The following STMN1 variants were observed in gnomAD, a reference collection of about 807,000 sequenced individuals.
STMN1 encodes the protein stathmin.
Under a neutral mutation model 19.7 loss-of-function variants are expected in STMN1, and 3 were observed. That is an observed-to-expected ratio of 0.15 (90% CI 0.07 to 0.39). The LOEUF is 0.39. Ranked by LOEUF, STMN1 falls within the 10% of genes least tolerant of loss-of-function variation. The pLI, the probability that STMN1 is intolerant of heterozygous loss-of-function variation, is 1.00. For missense variants in STMN1, 99 were observed against 176.0 expected, an observed-to-expected ratio of 0.56 and a Z score of 2.48; for synonymous variants, 59 against 58.9, an observed-to-expected ratio of 1.00 and a Z score of -0.01.
At chr1:25,894,374 C>T (rs767845713) in intron 4 of STMN1, among the ~76,000 whole-genome samples, 33 of 151,860 alleles carry the variant, frequency 2.2e-4, no homozygotes, top group Non-Finnish European at 4.0e-4. Flanking sequence ...GCAACAGAAA[C>T]GCTGGCTTAA....
chr1:25,893,619 C>T (rs187612362), intron 4 of STMN1, among the ~76,000 whole-genome samples: 1 of 152,218 alleles, frequency 6.6e-6, no homozygotes, highest in Non-Finnish European at 1.5e-5. Flanking sequence ...CGGCTCACTG[C>T]AACCTCCGCC....
chr1:25,886,110 C>T (rs984598823), intron 4 of STMN1, among the ~76,000 whole-genome samples: 1 of 152,022 alleles, frequency 6.6e-6, no homozygotes, highest in Middle Eastern at 3.2e-3. Flanking sequence ...CAGGCAGGAA[C>T]GGGGTGTGGG....
At chr1:25,897,661 G>A (rs1384074224), downstream of STMN1, among the ~76,000 whole-genome samples, 1 of 152,022 alleles carries the variant, frequency 6.6e-6, no homozygotes, top group Admixed American at 6.6e-5. Flanking sequence ...GAGGCAGAGG[G>A]GAATTGTTCC....
intron 1 of STMN1, chr1:25,905,738 G>A (rs937769542): frequency 1.3e-5 from 2 of 151,362 alleles, no homozygotes; most frequent in African/African-American, 4.9e-5. Context: ...AACACCTCCA[G>A]GCCGCCGCCA....
At chr1:25,890,657 G>C (rs2048765372) in intron 4 of STMN1, among the ~76,000 whole-genome samples, 3 of 152,162 alleles carry the variant, frequency 2.0e-5, no homozygotes, top group South Asian at 2.1e-4. Context: ...CTGGCCACTA[G>C]AGCCAGGTAG....
At chr1:25,898,066 C>T (rs1418070318), downstream of STMN1, among the ~76,000 whole-genome samples, 2 of 152,138 alleles carry the variant, frequency 1.3e-5, 1 homozygote, top group South Asian at 4.1e-4. Context: ...ACCCTGCCTC[C>T]ACTTTCTCTT....
intron 4 of STMN1, among the ~76,000 whole-genome samples, chr1:25,890,544 A>G (rs2048762964): frequency 6.6e-6 from 1 of 152,226 alleles, no homozygotes; most frequent in Admixed American, 6.5e-5. Flanking sequence ...CTGAAAGGGG[A>G]AGAATAAATG....
chr1:25,900,449 G>A lies in STMN1; in HGVS notation c.*567C>T, dbSNP rs562071952. On this transcript the variant is annotated 3_prime_UTR_variant, in exon 5 of 5. Transcript: ENST00000455785. ...GCAAGAAACGGGGCAGAGAACGTGC[G>A]GTCATTTGTGCGTTGGGTATTTCTA... 2.7e-5 allele frequency: 27 copies of A among 985,814 alleles called. No individual in the cohort carries two copies. The highest frequency in any genetic ancestry group is 1.8e-4 in the Admixed American group (3 of 16,272). The allele number at this position is 985,814 out of a possible 1,614,324, so 61.1% of individuals were successfully genotyped here.
At chr1:25,899,195 T>A (rs548462030), downstream of STMN1, among the ~76,000 whole-genome samples, 118 of 152,332 alleles carry the variant, frequency 7.7e-4, no homozygotes, top group African/African-American at 2.7e-3. Context: ...CCTTGCTTTC[T>A]CCTGAGGCCA....
intron 1 of STMN1, 53 bp from the exon 2 acceptor site, chr1:25,904,791 C>A: frequency 3.5e-6 from 5 of 1,431,150 alleles, no homozygotes; most frequent in Admixed American, 2.4e-5. Context: ...TTCTATATGT[C>A]ATCAACCCAA....
intron 2 of STMN1, 61 bp from the exon 3 acceptor site, chr1:25,903,874 C>T: frequency 6.7e-7 from 1 of 1,497,134 alleles, no homozygotes. Context: ...ATAAACTGTA[C>T]TATAATTTTC....
chr1:25,902,381 C>T (rs987287050), intron 3 of STMN1: 3 of 152,168 alleles, frequency 2.0e-5, no homozygotes, highest in African/African-American at 4.8e-5. Flanking sequence ...TTAACCATAA[C>T]TGATAAAACA....
chr1:25,903,757 G>A lies in STMN1; in HGVS notation c.70C>T (p.Leu24Phe). 1.2e-6 allele frequency: 2 copies of A among 1,614,010 alleles called. No homozygotes were observed. Among genetic ancestry groups the A allele is most frequent in the Non-Finnish European group, 8.5e-7 (1 of 1,180,044 alleles). Residue 24 changes from leucine (L) to phenylalanine (F), a missense_variant, in exon 3 of 5, where the codon CTC becomes TTC. Transcript: ENST00000455785. ...RASGQAFELI[L>F]SPRSKESVPE... ...ACAGATTCTTTTGACCGAGGGCTGAGAATCAGCTCAAAAGCCTGGCCTGAG... is the reference window on the plus strand; with the variant it reads ...ACAGATTCTTTTGACCGAGGGCTGAAAATCAGCTCAAAAGCCTGGCCTGAG...
Position 25,900,579 on chromosome 1 carries a change from G to A in STMN1, c.*437C>T, listed in dbSNP as rs1047131655. On this transcript the variant is annotated 3_prime_UTR_variant, in exon 5 of 5. Coordinates refer to ENST00000455785, the MANE Select transcript of STMN1 (RefSeq NM_005563.4). ...AAGTCACTGCCACCAACAGCACTGT[G>A]CAGTTTTATTAACCATTCAAGTCCA... 1.0e-6 allele frequency: 1 copy of A among 988,030 alleles called. No homozygotes were observed. Among genetic ancestry groups the A allele is most frequent in the African/African-American group, 1.7e-5 (1 of 57,408 alleles). The allele number at this position is 988,030 out of a possible 1,614,324, so 61.2% of individuals were successfully genotyped here.
At chr1:25,885,108 T>G (rs527879272), downstream of STMN1, 1 of 153,838 alleles carries the variant, frequency 6.5e-6, no homozygotes, top group East Asian at 1.9e-4. Context: ...GGAGAAGGTC[T>G]TCTTCTTCCA....
intron 4 of STMN1, among the ~76,000 whole-genome samples, chr1:25,895,017 G>A (rs2048806128): frequency 1.3e-5 from 2 of 151,524 alleles, no homozygotes; most frequent in African/African-American, 4.8e-5. Context: ...ACTGGGCTTA[G>A]AGGTACAGTA....
chr1:25,900,823 G>A lies in STMN1; in HGVS notation c.*193C>T, dbSNP rs2048863474. On this transcript the variant is annotated 3_prime_UTR_variant, in exon 5 of 5. Coordinates refer to ENST00000455785, the MANE Select transcript of STMN1 (RefSeq NM_005563.4). ...TAGAAAGACCAACACTTTAGAAAAA[G>A]AGTAAAACACTTTCAGTTTCTCCCC... is the stretch of plus-strand genomic sequence containing the variant. 1 of 1,387,872 alleles carries A rather than the reference G, an allele frequency of 7.2e-7. No individual in the cohort carries two copies. The highest frequency in any genetic ancestry group is 1.9e-5 in the South Asian group (1 of 53,866). The allele number at this position is 1,387,872 out of a possible 1,614,324, so 86.0% of individuals were successfully genotyped here.
intron 4 of STMN1, among the ~76,000 whole-genome samples, chr1:25,886,972 C>T (rs1283936363): frequency 3.9e-5 from 6 of 152,030 alleles, no homozygotes; most frequent in East Asian, 3.9e-4. Context: ...CCTCGTTGAC[C>T]GGTCCCCACC....
chr1:25,884,949 A>T (rs2048709872), downstream of STMN1: 1 of 153,666 alleles, frequency 6.5e-6, no homozygotes, highest in Non-Finnish European at 1.5e-5. Context: ...TCAGGTGAGA[A>T]ATAAAATGTG....
Sources: allele counts gnomAD v4.1 joint callset (sites outside exome capture counted in the v4.1 genomes callset), GRCh38; gene constraint gnomAD v4.1.1; transcripts MANE v1.5; gene names NCBI Gene and HGNC (gene_info 2026-07-23, HGNC 2026-07-21).